Variants in PRKDC observed in about 807,000 individuals in gnomAD.
The protein encoded by PRKDC is protein kinase, DNA-activated, catalytic subunit.
A neutral mutation model predicts 486.9 loss-of-function variants in PRKDC; 82 were observed. The observed-to-expected ratio is 0.17, with a 90% CI of 0.14 to 0.20. The LOEUF (loss-of-function observed/expected upper bound fraction) is 0.20, where lower values mean the gene tolerates loss of function less well. PRKDC is among the 10% of genes least tolerant of loss of function. The probability of loss-of-function intolerance (pLI) is 1.00; values close to 1 mark genes in which losing one functional copy is unlikely to be tolerated. For missense variants in PRKDC, 4,504 were observed against 5,038.2 expected, an observed-to-expected ratio of 0.89 and a Z score of 3.21; for synonymous variants, 1,895 against 1,837.0, an observed-to-expected ratio of 1.03 and a Z score of -0.81.
At chr8:47,919,369 T>C (rs1481823744) in intron 21 of PRKDC, among the ~76,000 whole-genome samples, 2 of 152,264 alleles carry the variant, frequency 1.3e-5, no homozygotes, top group Non-Finnish European at 2.9e-5. Context: ...ATGATTAGAC[T>C]CAGGTTATGG....
At chr8:47,940,385 G>A (rs1234970975) in intron 10 of PRKDC, among the ~76,000 whole-genome samples, 1 of 152,098 alleles carries the variant, frequency 6.6e-6, no homozygotes, top group Non-Finnish European at 1.5e-5. Context: ...CACAAAGACT[G>A]CCCAGAATAA....
intron 10 of PRKDC, 69 bp downstream of exon 10, chr8:47,943,140 T>C: frequency 4.0e-6 from 6 of 1,505,576 alleles, no homozygotes; most frequent in Non-Finnish European, 5.4e-6. Context: ...CAAACATGCA[T>C]GCATGCAAAG....
chr8:47,896,338 G>A (rs1176866732), intron 30 of PRKDC, among the ~76,000 whole-genome samples: 1 of 151,962 alleles, frequency 6.6e-6, no homozygotes, highest in African/African-American at 2.4e-5. Flanking sequence ...GTTCCATGAA[G>A]AAAAAGCCCA....
intron 52 of PRKDC, among the ~76,000 whole-genome samples, chr8:47,850,836 G>A (rs1374514595): frequency 6.6e-6 from 1 of 152,162 alleles, no homozygotes; most frequent in Non-Finnish European, 1.5e-5. Context: ...TTGAGATGGA[G>A]TCTCACTCTG....
chr8:47,823,818 G>T (rs146826673), intron 64 of PRKDC, 40 bp downstream of exon 64: 1 of 1,607,304 alleles, frequency 6.2e-7, no homozygotes, highest in Non-Finnish European at 8.5e-7. Flanking sequence ...AAACAAAAGT[G>T]TTGAAGTAAA....
rs370106149 is a variant in PRKDC at position 47,893,255 on chromosome 8, A to C, written c.3731T>G (p.Leu1244Arg). The C allele has an allele frequency of 4.7e-5, 76 of 1,612,322 alleles. No individual in the cohort carries two copies. The highest frequency in any genetic ancestry group is 5.9e-5 in the Non-Finnish European group (70 of 1,179,138). Residue 1244 changes from leucine (L) to arginine (R), a missense_variant, in exon 31 of 86, where the codon CTT (leucine) becomes CGT (arginine). Around this residue, in one of 6 missense-constraint regions of PRKDC, gnomAD observed 1,969 missense variants for 2,068.9 expected, o/e 0.95. Transcript: ENST00000314191. ...GILAQPTLLY[L>R]RGPFSLQATL... The stretch of plus-strand genomic sequence containing the variant: ...GGCCTGCAGGCTGAATGGCCCCCGA[A>C]GGTACAAGAGGGTGGGCTGGGCCAG...
chr8:47,958,169 A>G (rs192170148), intron 1 of PRKDC, among the ~76,000 whole-genome samples: 233 of 152,290 alleles, frequency 1.5e-3, no homozygotes, highest in Admixed American at 2.5e-3. Flanking sequence ...AAAGCGGGAG[A>G]TTCCAAACCT....
At chr8:47,795,947 T>G (rs931915086) in intron 73 of PRKDC, among the ~76,000 whole-genome samples, 9 of 151,032 alleles carry the variant, frequency 6.0e-5, no homozygotes, top group African/African-American at 2.2e-4. Context: ...CAGGCTGGAG[T>G]GCAGTGGCGC....
chr8:47,863,501 C>T lies in PRKDC; in HGVS notation c.5648G>A (p.Arg1883His), dbSNP rs2154500753. 1.2e-6 allele frequency: 2 copies of T among 1,612,198 alleles called. No homozygotes were observed. The highest frequency in any genetic ancestry group is 1.7e-6 in the Non-Finnish European group (2 of 1,178,878). ...AGCATGAACATCATCTTTGGGAAGG[C>T]GAGAATACATCACGTCTAGAATCTT... The part of the protein sequence containing the change: ...YYKILDVMYS[R>H]LPKDDVHAKE... Residue 1883 changes from arginine (R) to histidine (H), a missense_variant, in exon 42 of 86, where the codon CGC becomes CAC. Arg to His is a conservative substitution (Grantham distance 29). Around this residue, in one of 6 missense-constraint regions of PRKDC, gnomAD observed 80 missense variants for 132.3 expected, o/e 0.60. Transcript: ENST00000314191.
intron 21 of PRKDC, among the ~76,000 whole-genome samples, chr8:47,919,955 C>A (rs1359139717): frequency 6.6e-6 from 1 of 152,108 alleles, no homozygotes; most frequent in Non-Finnish European, 1.5e-5. Flanking sequence ...ACCTGACCCA[C>A]CCAGGGCAGA....
chr8:47,873,227 CAAAA>C (rs60385860), intron 40 of PRKDC, among the ~76,000 whole-genome samples: 1 of 71,076 alleles, frequency 1.4e-5, no homozygotes, highest in Non-Finnish European at 3.8e-5. Flanking sequence ...GACTCCATCT[CAAAA>C]AAAAAAAAAA....
intron 56 of PRKDC, 49 bp from the exon 57 acceptor site, chr8:47,837,468 G>C (rs546440921): frequency 1.6e-5 from 23 of 1,426,668 alleles, no homozygotes; most frequent in Admixed American, 7.5e-5. Flanking sequence ...TGGCAAATGG[G>C]AAAGAATGTG....
intron 78 of PRKDC, among the ~76,000 whole-genome samples, chr8:47,783,184 T>C (rs2086725810): frequency 7.0e-6 from 1 of 143,708 alleles, no homozygotes; most frequent in Non-Finnish European, 1.5e-5. Context: ...GGCTGAGACA[T>C]GGAGAATCGC....
chr8:47,894,714 C>T (rs182142015), intron 30 of PRKDC, among the ~76,000 whole-genome samples: 64 of 152,292 alleles, frequency 4.2e-4, no homozygotes, highest in African/African-American at 1.5e-3. Flanking sequence ...TCTGGGTGTT[C>T]CTGTACCCAG....
At chr8:47,949,972 A>G (rs2090600957) in intron 7 of PRKDC, among the ~76,000 whole-genome samples, 1 of 152,220 alleles carries the variant, frequency 6.6e-6, no homozygotes, top group Non-Finnish European at 1.5e-5. Flanking sequence ...AATTACTTGA[A>G]GATAAAGTGA....
At chr8:47,780,154 A>G (rs547963915) in intron 80 of PRKDC, among the ~76,000 whole-genome samples, 1 of 151,920 alleles carries the variant, frequency 6.6e-6, no homozygotes, top group African/African-American at 2.4e-5. Context: ...ACCTCAGGCG[A>G]TCCGCCCACC....
chr8:47,777,007 C>T (rs1256153426), intron 84 of PRKDC, 24 bp from the exon 85 acceptor site: 6 of 1,603,382 alleles, frequency 3.7e-6, no homozygotes, highest in Non-Finnish European at 5.1e-6. Flanking sequence ...ACATGATTTT[C>T]CCGGCTGATC....
chr8:47,866,130 T>A (rs1002391837), intron 40 of PRKDC, among the ~76,000 whole-genome samples: 4 of 123,522 alleles, frequency 3.2e-5, no homozygotes, highest in Admixed American at 1.1e-4. Context: ...TACTCCTGCC[T>A]GGGCAACAAT....
At chr8:47,776,729 G>A (rs953454905) in intron 85 of PRKDC, 115 bp downstream of exon 85, 6 of 1,345,842 alleles carry the variant, frequency 4.5e-6, no homozygotes, top group Non-Finnish European at 6.1e-6. Context: ...AATGAAAGCA[G>A]AGAAGTCATG....
Sources: allele counts gnomAD v4.1 joint callset (sites outside exome capture counted in the v4.1 genomes callset), GRCh38; gene constraint gnomAD v4.1.1; regional missense constraint gnomAD v4.1.1; transcripts MANE v1.5; gene names NCBI Gene and HGNC (gene_info 2026-07-23, HGNC 2026-07-21).